PRCP: variants seen among roughly 807,000 people sequenced by gnomAD.
PRCP encodes the protein prolylcarboxypeptidase.
A neutral mutation model predicts 54.2 loss-of-function variants in PRCP; 46 were observed. The ratio of observed to expected loss-of-function variants is 0.85; its 90% CI spans 0.67 to 1.09. The LOEUF is 1.09. PRCP is among the 50% of genes least tolerant of loss of function. PRCP has a pLI of 0.00. For missense variants in PRCP, 613 were observed against 596.8 expected, an observed-to-expected ratio of 1.03 and a Z score of -0.28; for synonymous variants, 240 against 212.2, an observed-to-expected ratio of 1.13 and a Z score of -1.14.
chr11:82,874,690 C>CA (rs36084037), intron 1 of PRCP, among the ~76,000 whole-genome samples: 1,804 of 68,374 alleles, frequency 0.026, 25 homozygotes, highest in Middle Eastern at 0.061. Context: ...GACCCTGTCT[C>CA]AAAAAAAAAA....
intron 8 of PRCP, among the ~76,000 whole-genome samples, chr11:82,831,998 T>C (rs1250187818): frequency 6.6e-6 from 1 of 152,188 alleles, no homozygotes; most frequent in Non-Finnish European, 1.5e-5. Flanking sequence ...GTTAGTTTGC[T>C]GAGAATGATG....
At position 82,838,370 on chromosome 11, in the gene PRCP, G is replaced by A. The variant is rs145432144; in HGVS notation, c.1274+17C>T. On this transcript the variant is annotated intron_variant, in intron 8 of 8. Transcript: ENST00000313010. ...GTTCCACCAACTGAAGTTTATCTTTGGACAGCAAAAACTCACCTGAAAACA... is the reference window on the plus strand; with the variant it reads ...GTTCCACCAACTGAAGTTTATCTTTAGACAGCAAAAACTCACCTGAAAACA... The A allele has an allele frequency of 9.1e-5, 144 of 1,587,674 alleles. No homozygotes were observed. The African/African-American group carries it at 1.9e-3, about 21-fold the overall frequency.
At chr11:82,850,950 A>G (rs1454359556) in intron 3 of PRCP, among the ~76,000 whole-genome samples, 1 of 152,224 alleles carries the variant, frequency 6.6e-6, no homozygotes, top group African/African-American at 2.4e-5. Flanking sequence ...AAGATTATAT[A>G]TGACCTCGGC....
At chr11:82,853,004 A>T (rs983825639) in intron 3 of PRCP, among the ~76,000 whole-genome samples, 173 bp downstream of exon 3, 14 of 151,336 alleles carry the variant, frequency 9.3e-5, no homozygotes, top group Admixed American at 8.0e-4. Context: ...AAAATGGCTT[A>T]AAAAAAACCC....
intron 1 of PRCP, chr11:82,884,858 A>C: frequency 6.2e-7 from 1 of 1,613,690 alleles, no homozygotes; most frequent in Middle Eastern, 1.7e-4. Flanking sequence ...TGGATAATAC[A>C]TATGTGCAAC....
At chr11:82,855,728 CA>C (rs1366938829) in intron 2 of PRCP, among the ~76,000 whole-genome samples, 2 of 152,070 alleles carry the variant, frequency 1.3e-5, no homozygotes, top group African/African-American at 4.8e-5. Context: ...AAGACATACA[CA>C]AGGCCAACAA....
chr11:82,867,102 A>C (rs1284391090), intron 1 of PRCP, among the ~76,000 whole-genome samples: 1 of 152,226 alleles, frequency 6.6e-6, no homozygotes. Flanking sequence ...TTCCCTTCTT[A>C]ATGTTAAAAT....
At chr11:82,874,462 T>G (rs1859553571) in intron 1 of PRCP, among the ~76,000 whole-genome samples, 1 of 152,050 alleles carries the variant, frequency 6.6e-6, no homozygotes, top group African/African-American at 2.4e-5. Flanking sequence ...AGGCCAAGGC[T>G]GGCAGATCAC....
At chr11:82,893,612 C>T (rs763772996) in intron 1 of PRCP, among the ~76,000 whole-genome samples, 2 of 151,930 alleles carry the variant, frequency 1.3e-5, no homozygotes, top group African/African-American at 2.4e-5. Context: ...GGCAACATAA[C>T]GAGATCCCAT....
At chr11:82,891,535 G>A (rs1401468073) in intron 1 of PRCP, among the ~76,000 whole-genome samples, 1 of 151,980 alleles carries the variant, frequency 6.6e-6, no homozygotes, top group Non-Finnish European at 1.5e-5. Flanking sequence ...CCTTACAATG[G>A]CCCAGATGTC....
upstream of PRCP, chr11:82,900,659 C>T: frequency 1.6e-6 from 1 of 639,172 alleles, no homozygotes; most frequent in Non-Finnish European, 2.9e-6. Flanking sequence ...ACCTTCATTG[C>T]GGTCACACCC....
At chr11:82,840,769 T>C (rs1858644094) in intron 6 of PRCP, 1 of 151,974 alleles carries the variant, frequency 6.6e-6, no homozygotes, top group Non-Finnish European at 1.5e-5. Context: ...AGATAGATGA[T>C]TGTCCATTAT....
intron 1 of PRCP, among the ~76,000 whole-genome samples, chr11:82,893,564 A>C (rs1419098722): frequency 6.6e-6 from 1 of 152,100 alleles, no homozygotes; most frequent in Non-Finnish European, 1.5e-5. Context: ...GACCAAGGTA[A>C]GAGAATTGCT....
chr11:82,882,596 C>T (rs1859774818), intron 1 of PRCP, among the ~76,000 whole-genome samples: 1 of 147,864 alleles, frequency 6.8e-6, no homozygotes, highest in Non-Finnish European at 1.5e-5. Context: ...CCCGGGTTCA[C>T]GCCATTCTCC....
At chr11:82,853,737 A>C (rs1204445040) in intron 2 of PRCP, among the ~76,000 whole-genome samples, 1 of 152,220 alleles carries the variant, frequency 6.6e-6, no homozygotes, top group Non-Finnish European at 1.5e-5. Context: ...ATCCCTGACG[A>C]AAATAGATGC....
chr11:82,890,588 C>A (rs1026991068), intron 1 of PRCP, among the ~76,000 whole-genome samples: 1 of 152,172 alleles, frequency 6.6e-6, no homozygotes, highest in Non-Finnish European at 1.5e-5. Flanking sequence ...GGAACCCTCT[C>A]CCCCTCCATC....
chr11:82,858,044 G>A (rs1262340667), intron 2 of PRCP, among the ~76,000 whole-genome samples: 1 of 152,292 alleles, frequency 6.6e-6, no homozygotes, highest in African/African-American at 2.4e-5. Flanking sequence ...CCTCTGTGCA[G>A]TTGATTTCAG....
chr11:82,853,363 T>G, intron 2 of PRCP, 85 bp from the exon 3 acceptor site: 2 of 1,063,830 alleles, frequency 1.9e-6, no homozygotes, highest in Non-Finnish European at 2.7e-6. Flanking sequence ...ATGGAATAGA[T>G]GTTAAGCCAG....
At chr11:82,898,224 A>T (rs1323234644) in intron 1 of PRCP, among the ~76,000 whole-genome samples, 1 of 152,238 alleles carries the variant, frequency 6.6e-6, no homozygotes, top group Non-Finnish European at 1.5e-5. Context: ...TGTATCCTAA[A>T]ATATAAATTA....
Sources: allele counts gnomAD v4.1 joint callset (sites outside exome capture counted in the v4.1 genomes callset), GRCh38; gene constraint gnomAD v4.1.1; transcripts MANE v1.5; gene names NCBI Gene and HGNC (gene_info 2026-07-23, HGNC 2026-07-21).